REEP5: variants seen among roughly 807,000 people sequenced by gnomAD.
REEP5 encodes the protein receptor expression-enhancing protein 5.
A neutral mutation model predicts 22.4 loss-of-function variants in REEP5; 24 were observed. The observed-to-expected ratio is 1.07, with a 90% confidence interval of 0.78 to 1.51. The LOEUF (loss-of-function observed/expected upper bound fraction) is 1.51, where lower values mean the gene tolerates loss of function less well. Among genes scored for constraint, REEP5 ranks in the 40% most tolerant of loss-of-function variants. The probability of loss-of-function intolerance (pLI) is 0.00; values close to 1 mark genes in which losing one functional copy is unlikely to be tolerated. For synonymous variants in REEP5, 103 were observed against 88.6 expected, an observed-to-expected ratio of 1.16 and a Z score of -0.92; for missense variants, 252 against 233.0, an observed-to-expected ratio of 1.08 and a Z score of -0.53.
At position 112,891,841 on chromosome 5, in the gene REEP5, C is replaced by CT. The variant is rs1427682788; in HGVS notation, c.352-4659dup. ...AGAACAACAACTAGAAGAAGAGAAGCTATTGGAAAGAGAGAGGGAAAGATT... is the reference window on the plus strand; with the variant it reads ...AGAACAACAACTAGAAGAAGAGAAGCTTATTGGAAAGAGAGAGGGAAAGATT... On this transcript the variant is annotated intron_variant, in intron 3 of 4. Coordinates refer to ENST00000379638, the MANE Select transcript of REEP5 (RefSeq NM_005669.5). The CT allele has an allele frequency of 2.6e-6, 4 of 1,556,240 alleles. No individual in the cohort carries two copies. In the Admixed American group the frequency reaches 5.0e-5, roughly 19 times the overall value.
intron 3 of REEP5, chr5:112,893,088 T>C (rs1441825279): frequency 1.1e-6 from 1 of 918,844 alleles, no homozygotes; most frequent in East Asian, 3.0e-5. Flanking sequence ...AAACTAGTTT[T>C]GTTCTTAAAA....
At position 112,876,902 on chromosome 5, in the gene REEP5, G is replaced by GTAAC. The variant is rs1767911200; in HGVS notation, c.*1880_*1883dup. ...AGCCTGTAAGTCATTATGAGCAATA[G>GTAAC]TAACTTTTGTACCTCCTCATCTTGT... On this transcript the variant is annotated 3_prime_UTR_variant, in exon 5 of 5. Coordinates refer to ENST00000379638, the MANE Select transcript of REEP5 (RefSeq NM_005669.5). 3 of 152,106 alleles carry GTAAC rather than the reference G, an allele frequency of 2.0e-5. No homozygotes were observed. The South Asian group carries it at 6.3e-4, about 32-fold the overall frequency. The allele number at this position is 152,106 out of a possible 1,614,324, so 9.4% of individuals were successfully genotyped here.
intron 4 of REEP5, among the ~76,000 whole-genome samples, chr5:112,886,397 T>TA (rs1768246556): frequency 6.6e-6 from 1 of 152,208 alleles, no homozygotes; most frequent in African/African-American, 2.4e-5. Context: ...ACAAGTGTCT[T>TA]AGAGTAGACA....
chr5:112,918,501 T>C (rs1484309119), intron 2 of REEP5, among the ~76,000 whole-genome samples: 2 of 152,068 alleles, frequency 1.3e-5, no homozygotes, highest in East Asian at 3.9e-4. Flanking sequence ...CTTCTTGTGA[T>C]GGCCCAAGGA....
chr5:112,907,406 T>C (rs1768979057), intron 2 of REEP5, among the ~76,000 whole-genome samples: 1 of 152,220 alleles, frequency 6.6e-6, no homozygotes, highest in South Asian at 2.1e-4. Flanking sequence ...CCTGGCCGCC[T>C]AGGCTCAGTG....
At chr5:112,893,018 G>A (rs773182560) in intron 3 of REEP5, 1 of 1,536,152 alleles carries the variant, frequency 6.5e-7, no homozygotes, top group South Asian at 1.1e-5. Context: ...AGGTGCCGAA[G>A]TCGTGGGAGG....
intron 2 of REEP5, among the ~76,000 whole-genome samples, chr5:112,911,984 G>C (rs770391700): frequency 5.3e-5 from 8 of 152,128 alleles, no homozygotes; most frequent in Non-Finnish European, 1.0e-4. Context: ...AAAGCTTAAT[G>C]ACACAAAGTT....
chr5:112,883,058 T>C lies in REEP5; in HGVS notation c.520+3957A>G, dbSNP rs1768126631. ...CTCCAACAATTCACCCTCTCACTCC[T>C]ATCATCATTTTTTGCTCTGTTGAAT... On this transcript the variant is annotated intron_variant, in intron 4 of 4. Coordinates refer to ENST00000379638, the MANE Select transcript of REEP5 (RefSeq NM_005669.5). Among the ~76,000 whole-genome samples the C allele has an allele frequency of 2.0e-5, 3 of 152,240 alleles. No homozygotes were observed. The South Asian group carries it at 6.2e-4, about 32-fold the overall frequency.
chr5:112,881,560 G>C (rs76131412), intron 4 of REEP5, among the ~76,000 whole-genome samples: 1 of 152,068 alleles, frequency 6.6e-6, no homozygotes, highest in Non-Finnish European at 1.5e-5. Flanking sequence ...TCAAGTGGTG[G>C]CTGTTTCTTT....
At chr5:112,885,281 G>C (rs1768208380) in intron 4 of REEP5, 1 of 172,456 alleles carries the variant, frequency 5.8e-6, no homozygotes, top group Admixed American at 6.5e-5. Context: ...GCCAGAGACA[G>C]AAAGCAAGCT....
chr5:112,897,830 G>A (rs575964385), intron 3 of REEP5: 9 of 152,200 alleles, frequency 5.9e-5, no homozygotes, highest in East Asian at 5.8e-4. Context: ...AGGCCGAGGC[G>A]GGCAGATCAC....
At chr5:112,885,279 C>A in intron 4 of REEP5, 1 of 172,252 alleles carries the variant, frequency 5.8e-6, no homozygotes, top group Non-Finnish European at 1.3e-5. Context: ...CTGCCAGAGA[C>A]AGAAAGCAAG....
chr5:112,910,267 A>G (rs1327566285), intron 2 of REEP5, among the ~76,000 whole-genome samples: 1 of 152,098 alleles, frequency 6.6e-6, no homozygotes, highest in Non-Finnish European at 1.5e-5. Flanking sequence ...GTGCCACTGC[A>G]CTCCAGCCTG....
chr5:112,901,255 A>T (rs1737045572), intron 3 of REEP5, among the ~76,000 whole-genome samples: 4 of 152,214 alleles, frequency 2.6e-5, no homozygotes, highest in African/African-American at 4.8e-5. Context: ...ATACTAAAAG[A>T]AATGAGAAAA....
chr5:112,877,905 T>C lies in REEP5; in HGVS notation c.*881A>G, dbSNP rs1767945638. ...GGTTTCCATTGTAGCATCTTGACAA[T>C]AGACAAATATGTAAAGTTTATAGCA... On this transcript the variant is annotated 3_prime_UTR_variant, in exon 5 of 5. Transcript: ENST00000379638. 1 of 152,056 alleles carries C rather than the reference T, an allele frequency of 6.6e-6. No homozygotes were observed. Among genetic ancestry groups the C allele is most frequent in the South Asian group, 2.1e-4 (1 of 4,830 alleles). The allele number at this position is 152,056 out of a possible 1,614,324, so 9.4% of individuals were successfully genotyped here.
intron 4 of REEP5, 115 bp from the exon 5 acceptor site, chr5:112,878,950 G>C (rs145897030): frequency 2.7e-6 from 4 of 1,506,572 alleles, no homozygotes; most frequent in Non-Finnish European, 3.6e-6. Flanking sequence ...GATGACTCAT[G>C]TTCAGGTGCG....
chr5:112,881,128 C>CAA (rs58737941), intron 4 of REEP5, among the ~76,000 whole-genome samples: 24,737 of 67,046 alleles, frequency 0.37, 5,430 homozygotes, highest in African/African-American at 0.46. Flanking sequence ...GACTCTGTTT[C>CAA]AAAAAAAAAA....
intron 2 of REEP5, among the ~76,000 whole-genome samples, chr5:112,908,094 G>GTTT (rs1168506605): frequency 6.9e-5 from 5 of 72,608 alleles, no homozygotes; most frequent in South Asian, 3.4e-4. Context: ...GACTTTCTTT[G>GTTT]TTTTTTGTTT....
chr5:112,921,310 G>T, intron 1 of REEP5, 54 bp from the exon 2 acceptor site: 1 of 1,555,456 alleles, frequency 6.4e-7, no homozygotes, highest in Non-Finnish European at 8.8e-7. Context: ...CGTTCACGCG[G>T]GACAGCCGCC....
Sources: allele counts gnomAD v4.1 joint callset (sites outside exome capture counted in the v4.1 genomes callset), GRCh38; gene constraint gnomAD v4.1.1; transcripts MANE v1.5; gene names NCBI Gene and HGNC (gene_info 2026-07-23, HGNC 2026-07-21).